The following VCAN variants were observed in gnomAD, a reference collection of about 807,000 sequenced individuals.
VCAN encodes the protein versican core protein.
VCAN carries 44 observed loss-of-function variants against 245.5 expected under a neutral mutation model. The observed-to-expected ratio is 0.18, with a 90% confidence interval of 0.14 to 0.23. The LOEUF (loss-of-function observed/expected upper bound fraction) is 0.23. VCAN is among the 10% of genes least tolerant of loss of function. The probability of loss-of-function intolerance (pLI) is 1.00; values close to 1 mark genes in which losing one functional copy is unlikely to be tolerated. For synonymous variants in VCAN, 1,413 were observed against 1,437.0 expected (o/e 0.98, Z 0.38); for missense variants, 3,793 against 4,057.9 (o/e 0.93, Z 1.77).
chr5:83,554,838 TA>T, intron 11 of VCAN, 117 bp from the exon 12 acceptor site: 1 of 948,042 alleles, frequency 1.1e-6, no homozygotes, highest in Non-Finnish European at 1.7e-6. Flanking sequence ...AGCAACTAAA[TA>T]AAAATCCAGC....
chr5:83,482,951 T>C (rs1434377840), intron 1 of VCAN, among the ~76,000 whole-genome samples: 1 of 152,250 alleles, frequency 6.6e-6, no homozygotes, highest in Non-Finnish European at 1.5e-5. Flanking sequence ...ACATGGAGTC[T>C]GTGCTTTAAA....
At chr5:83,574,878 C>T (rs573774446) in intron 13 of VCAN, among the ~76,000 whole-genome samples, 3 of 151,998 alleles carry the variant, frequency 2.0e-5, no homozygotes, top group East Asian at 1.9e-4. Flanking sequence ...ATTTTAAAAG[C>T]GAATTTTTTA....
intron 12 of VCAN, among the ~76,000 whole-genome samples, chr5:83,569,401 T>TA (rs1748200530): frequency 6.6e-6 from 1 of 152,184 alleles, no homozygotes; most frequent in South Asian, 2.1e-4. Flanking sequence ...TCATTGTCTC[T>TA]AAATATCAAA....
chr5:83,525,177 A>T (rs1478980610), intron 7 of VCAN, among the ~76,000 whole-genome samples: 1 of 151,922 alleles, frequency 6.6e-6, no homozygotes, highest in Non-Finnish European at 1.5e-5. Flanking sequence ...GTTAGCAGTT[A>T]AAAAAATCTG....
chr5:83,550,015 T>C (rs1747399341), intron 10 of VCAN, among the ~76,000 whole-genome samples: 1 of 152,152 alleles, frequency 6.6e-6, no homozygotes, highest in African/African-American at 2.4e-5. Context: ...TACTCCGAAA[T>C]AGGGGACACA....
intron 3 of VCAN, 86 bp downstream of exon 3, chr5:83,490,558 T>A: frequency 6.3e-7 from 1 of 1,585,872 alleles, no homozygotes; most frequent in South Asian, 1.1e-5. Flanking sequence ...AAGTAACTGT[T>A]GTTTGGGGTT....
chr5:83,512,447 G>T (rs1464890715), intron 6 of VCAN, 51 bp downstream of exon 6: 4 of 1,590,108 alleles, frequency 2.5e-6, no homozygotes, highest in Middle Eastern at 4.1e-4. Context: ...AAAATGCTTC[G>T]AAGCATGCAT....
In VCAN at chr5:83,571,263, T is replaced by TTTGTTTTTG. The variant is rs1561275729; in HGVS notation, c.9736-1152_9736-1151insTGTTTTTGT. Among the ~76,000 whole-genome samples the TTTGTTTTTG allele has an allele frequency of 9.2e-5, 14 of 152,304 alleles. No homozygotes were observed. In the East Asian group the frequency reaches 2.3e-3, roughly 25 times the overall value. On this transcript the variant is annotated intron_variant, in intron 12 of 14. Transcript: ENST00000265077. ...TTTATAGGCCAATATTATTTTCATC[T>TTTGTTTTTG]TATCAAAGTTTGTTATTCTTGAATA... is the stretch of plus-strand genomic sequence containing the variant.
At chr5:83,546,431 A>G (rs1320921759) in intron 9 of VCAN, among the ~76,000 whole-genome samples, 1 of 152,058 alleles carries the variant, frequency 6.6e-6, no homozygotes, top group East Asian at 1.9e-4. Flanking sequence ...TTGCGATACA[A>G]TCCCAACATT....
intron 2 of VCAN, among the ~76,000 whole-genome samples, chr5:83,483,925 C>A (rs2112343215): frequency 6.6e-6 from 1 of 152,226 alleles, no homozygotes; most frequent in Admixed American, 6.5e-5. Flanking sequence ...AAAAGAAACA[C>A]TATTAAACAC....
rs375803329 is a variant in VCAN at position 83,541,882 on chromosome 5, T to C, written c.8879T>C (p.Ile2960Thr). 1.1e-5 allele frequency: 18 copies of C among 1,614,112 alleles called. No homozygotes were observed. Among genetic ancestry groups the C allele is most frequent in the Non-Finnish European group, 1.4e-5 (17 of 1,180,004 alleles). Residue 2960 changes from isoleucine to threonine, a missense_variant, in exon 8 of 15, where the codon ATT (isoleucine) becomes ACT (threonine). Ile to Thr is a moderately conservative substitution (Grantham distance 89, BLOSUM62 -1). Coordinates refer to ENST00000265077, the MANE Select transcript of VCAN (RefSeq NM_004385.5). ...AAAACACCTGAGGCTGGAACTGTTA[T>C]TACAACTGCCGATGAAATTGAATTA... ...TIKTPEAGTV[I>T]TTADEIELEG...
At position 83,537,448 on chromosome 5, in the gene VCAN, A is replaced by C; in HGVS notation, c.4445A>C (p.Lys1482Thr). 1 of 1,614,016 alleles carries C rather than the reference A, an allele frequency of 6.2e-7. No individual in the cohort carries two copies. Reference protein sequence around the residue: ...ETTESLEVTWKPETYPETSEH... With the variant: ...ETTESLEVTWTPETYPETSEH... ...ACTGAGTCTCTTGAAGTTACATGGA[A>C]GCCTGAGACTTACCCTGAAACATCA... The change falls in exon 8 of 15, where the codon AAG becomes ACG. Residue 1482 changes from lysine to threonine, a missense_variant. Lys to Thr is a moderately conservative substitution (Grantham distance 78). Transcript: ENST00000265077.
intron 5 of VCAN, among the ~76,000 whole-genome samples, chr5:83,504,174 C>T (rs1745413788): frequency 1.3e-5 from 2 of 152,076 alleles, no homozygotes; most frequent in South Asian, 2.1e-4. Context: ...ACATGTCTCC[C>T]GTTTCTTCTA....
At chr5:83,501,689 T>C (rs535229795) in intron 5 of VCAN, among the ~76,000 whole-genome samples, 4 of 152,316 alleles carry the variant, frequency 2.6e-5, no homozygotes, top group Non-Finnish European at 4.4e-5. Context: ...TTTATTACAA[T>C]TGCTTTGTAG....
intron 5 of VCAN, among the ~76,000 whole-genome samples, chr5:83,511,376 G>C (rs1745650438): frequency 6.6e-6 from 1 of 151,944 alleles, no homozygotes; most frequent in South Asian, 2.1e-4. Context: ...TTTATCCAAA[G>C]AGGCTGGAGT....
Position 83,520,837 on chromosome 5 carries a change from C to T in VCAN, c.2531C>T (p.Pro844Leu). The T allele has an allele frequency of 6.2e-7, 1 of 1,614,112 alleles. No individual in the cohort carries two copies. The highest frequency in any genetic ancestry group is 8.5e-7 in the Non-Finnish European group (1 of 1,180,002). The change falls in exon 7 of 15, where the codon CCA becomes CTA. Residue 844 changes from proline to leucine, a missense_variant. Physicochemically the swap from Pro to Leu is moderately conservative, Grantham distance 98 (BLOSUM62 -3). Transcript: ENST00000265077. ...VGMNGKDKDI[P>L]SFTEDGADEF... Reference sequence around the variant, plus strand: ...ATGAATGGAAAGGATAAAGACATCCCAAGTTTCACTGAAGATGGAGCAGAT... The same window carrying T: ...ATGAATGGAAAGGATAAAGACATCCTAAGTTTCACTGAAGATGGAGCAGAT...
intron 13 of VCAN, among the ~76,000 whole-genome samples, chr5:83,579,350 G>A (rs1257698661): frequency 2.6e-5 from 4 of 152,008 alleles, no homozygotes; most frequent in South Asian, 4.1e-4. Flanking sequence ...TGCAACCTCC[G>A]CCTCCCAGGT....
At chr5:83,510,348 C>G (rs1385927782) in intron 5 of VCAN, among the ~76,000 whole-genome samples, 1 of 152,164 alleles carries the variant, frequency 6.6e-6, no homozygotes, top group Non-Finnish European at 1.5e-5. Flanking sequence ...AGTGCTATCA[C>G]CCACTCAGAG....
At chr5:83,554,605 G>A (rs1459403746) in intron 11 of VCAN, among the ~76,000 whole-genome samples, 9 of 151,744 alleles carry the variant, frequency 5.9e-5, no homozygotes, top group East Asian at 5.8e-4. Context: ...CAATGGCATC[G>A]CTTAAAAACA....
Sources: allele counts gnomAD v4.1 joint callset (sites outside exome capture counted in the v4.1 genomes callset), GRCh38; gene constraint gnomAD v4.1.1; transcripts MANE v1.5; gene names NCBI Gene and HGNC (gene_info 2026-07-23, HGNC 2026-07-21).